The following NPIPB12 variants were observed in gnomAD, a reference collection of about 807,000 sequenced individuals.
NPIPB12 encodes the protein nuclear pore complex-interacting protein family member B12.
intron 1 of NPIPB12, among the ~76,000 whole-genome samples, chr16:29,498,192 C>T (rs1340017940): frequency 7.0e-6 from 1 of 143,208 alleles, no homozygotes; most frequent in African/African-American, 2.5e-5. Flanking sequence ...CCCAGCCACT[C>T]GGGAGGCTGA....
intron 1 of NPIPB12, among the ~76,000 whole-genome samples, chr16:29,498,304 A>AAATG (rs1209585049): frequency 1.2e-5 from 1 of 83,830 alleles, no homozygotes; most frequent in Non-Finnish European, 3.4e-5. Context: ...GTCTCAAAAT[A>AAATG]AATAAATAAA....
At chr16:29,504,361 C>T, upstream of NPIPB12, among the ~76,000 whole-genome samples, 1 of 84,002 alleles carries the variant, frequency 1.2e-5, no homozygotes, top group Admixed American at 1.2e-4. Flanking sequence ...CAAAAATTAG[C>T]TGGGCATGGT....
chr16:29,497,059 T>G (rs1180858098), intron 1 of NPIPB12, among the ~76,000 whole-genome samples: 4 of 53,106 alleles, frequency 7.5e-5, no homozygotes, highest in Non-Finnish European at 1.6e-4. Context: ...ATTGGATGCA[T>G]TTATTATATA....
At chr16:29,504,554 GTGTA>G (rs1965215948) in intron 2 of NPIPB12, among the ~76,000 whole-genome samples, 2 of 148,654 alleles carry the variant, frequency 1.3e-5, no homozygotes, top group Non-Finnish European at 3.0e-5. Context: ...GTGTGTGTGT[GTGTA>G]TCTATATAAA....
chr16:29,504,872 AT>A (rs1325086622), intron 2 of NPIPB12, among the ~76,000 whole-genome samples: 1 of 1,500 alleles, frequency 6.7e-4, no homozygotes, highest in Non-Finnish European at 1.5e-3. Context: ...TTGCAGGATA[AT>A]TTTTTTTTTT....
chr16:29,504,429 C>T (rs1466880443), upstream of NPIPB12, among the ~76,000 whole-genome samples: 6 of 77,554 alleles, frequency 7.7e-5, no homozygotes, highest in East Asian at 9.9e-4. Context: ...TGCTTGAACC[C>T]GGGAGACGGA....
intron 1 of NPIPB12, among the ~76,000 whole-genome samples, chr16:29,498,428 C>T (rs1296877470): frequency 5.4e-5 from 5 of 92,382 alleles, no homozygotes; most frequent in Non-Finnish European, 8.4e-5. Flanking sequence ...TATATTTTGG[C>T]CAGGCGCGGT....
At chr16:29,490,610 G>A (rs1965071011) in intron 4 of NPIPB12, among the ~76,000 whole-genome samples, 1 of 111,980 alleles carries the variant, frequency 8.9e-6, no homozygotes, top group Non-Finnish European at 1.8e-5. Context: ...TATGCCTGTA[G>A]TCCCAGCTAC....
intron 2 of NPIPB12, among the ~76,000 whole-genome samples, chr16:29,504,520 G>GTGTT (rs1567293185): frequency 2.6e-5 from 2 of 76,208 alleles, no homozygotes; most frequent in Non-Finnish European, 5.3e-5. Flanking sequence ...ATATATGTGT[G>GTGTT]TGTGTGTGTG....
At chr16:29,485,534 G>C (rs752354835), downstream of NPIPB12, 1 of 1,507,534 alleles carries the variant, frequency 6.6e-7, no homozygotes, top group African/African-American at 1.4e-5. Context: ...CATCCGCTGA[G>C]GGTGGAAGGG....
chr16:29,502,041 G>A (rs1248474809), upstream of NPIPB12, among the ~76,000 whole-genome samples: 2 of 3,650 alleles, frequency 5.5e-4, no homozygotes, highest in African/African-American at 1.3e-3. Flanking sequence ...ATAGGGAAAG[G>A]AAGATGTGAG....
intron 1 of NPIPB12, among the ~76,000 whole-genome samples, chr16:29,498,041 C>CGGATCATTAAAAA (rs1427637297): frequency 1.4e-5 from 1 of 69,400 alleles, no homozygotes; most frequent in Non-Finnish European, 3.1e-5. Context: ...TGGTTCACGC[C>CGGATCATTAAAAA]TGTAATCCCA....
At chr16:29,498,335 TA>T (rs1215834578) in intron 1 of NPIPB12, among the ~76,000 whole-genome samples, 1 of 147,784 alleles carries the variant, frequency 6.8e-6, no homozygotes, top group African/African-American at 2.5e-5. Context: ...AATAAATAAA[TA>T]AAATAATGTA....
downstream of NPIPB12, chr16:29,484,974 G>C (rs1411415797): frequency 7.5e-5 from 8 of 106,168 alleles, no homozygotes; most frequent in East Asian, 6.8e-4. Flanking sequence ...GATTATCATC[G>C]GCTGATGGTG....
At chr16:29,485,083 G>A, downstream of NPIPB12, 3 of 213,756 alleles carry the variant, frequency 1.4e-5, 1 homozygote, top group Admixed American at 1.2e-4. Flanking sequence ...CTCGGAAGGT[G>A]TCTTGAGATT....
rs1596717286 is a variant in NPIPB12, at chr16:29,497,260, A to C, written c.76-1653T>G. On this transcript the variant is annotated intron_variant, in intron 1 of 5. Coordinates refer to ENST00000617311, the Ensembl canonical transcript of NPIPB12. ...GCTGGGCGTGGTGGCTCACGCCTGC[A>C]ATCCCAGCACTTTGGGAAGCCGAGG... Among the ~76,000 whole-genome samples, 2 of 59,468 alleles carry C rather than the reference A, an allele frequency of 3.4e-5. 1 individual carries two copies. Among genetic ancestry groups the C allele is most frequent in the Non-Finnish European group, 6.4e-5 (2 of 31,302 alleles). 39.0% of individuals were successfully genotyped at this position (59,468 alleles called of 152,430 possible).
At chr16:29,504,598 TATC>T (rs1192172932) in intron 2 of NPIPB12, among the ~76,000 whole-genome samples, 2 of 140,374 alleles carry the variant, frequency 1.4e-5, no homozygotes, top group East Asian at 2.1e-4. Context: ...TTTTTGAGAT[TATC>T]ATTTTAAAAG....
intron 1 of NPIPB12, among the ~76,000 whole-genome samples, chr16:29,498,299 A>AAATAAAT (rs1555481945): frequency 8.7e-3 from 1,218 of 140,744 alleles, no homozygotes; most frequent in South Asian, 0.013. Flanking sequence ...AAACTGTCTC[A>AAATAAAT]AAATAAATAA....
chr16:29,501,294 A>G (rs1965191035), upstream of NPIPB12, among the ~76,000 whole-genome samples: 1 of 38,638 alleles, frequency 2.6e-5, no homozygotes, highest in Non-Finnish European at 4.1e-5. Flanking sequence ...CCTGGCCAAT[A>G]TGGTGAAACC....
Sources: allele counts gnomAD v4.1 joint callset (sites outside exome capture counted in the v4.1 genomes callset), GRCh38; gene constraint gnomAD v4.1.1; transcripts MANE v1.5; gene names NCBI Gene and HGNC (gene_info 2026-07-23, HGNC 2026-07-21).